SAXO5: variants seen among roughly 807,000 people sequenced by gnomAD.
The protein encoded by SAXO5 is testis expressed 45.
At chr19:7,507,734 T>C in the SAXO5 span, among the ~76,000 whole-genome samples, 45 of 152,204 alleles carry the variant, frequency 3.0e-4, 1 homozygote, top group African/African-American at 9.9e-4. Context: ...CCTGGAGTCC[T>C]TCCAGGGACA....
At chr19:7,506,444 A>G in the SAXO5 span, 3,745 of 481,276 alleles carry the variant, frequency 7.8e-3, 30 homozygotes, top group South Asian at 0.03. Flanking sequence ...CTTCATGGCC[A>G]TGCCTCTCCC....
At chr19:7,498,545 C>T in the SAXO5 span, among the ~76,000 whole-genome samples, 4 of 151,956 alleles carry the variant, frequency 2.6e-5, no homozygotes, top group South Asian at 2.1e-4. Context: ...TACAGGCATG[C>T]GCCACCACGC....
the SAXO5 span, chr19:7,501,036 C>T: frequency 6.6e-4 from 1,005 of 1,520,420 alleles, 8 homozygotes; most frequent in East Asian, 0.019. Context: ...AATGGACCCG[C>T]GCTGGGACCG....
At chr19:7,507,023 C>A in the SAXO5 span, 1 of 1,578,106 alleles carries the variant, frequency 6.3e-7, no homozygotes, top group African/African-American at 1.3e-5. Flanking sequence ...CGGCCCACAG[C>A]CCTCACTCAG....
chr19:7,504,146 C>T, the SAXO5 span: 1 of 1,613,870 alleles, frequency 6.2e-7, no homozygotes, highest in East Asian at 2.2e-5. Context: ...TCAAGTGGGA[C>T]TACACGAGAC....
the SAXO5 span, chr19:7,507,279 G>A: frequency 1.3e-6 from 1 of 744,254 alleles, no homozygotes; most frequent in Non-Finnish European, 2.3e-6. Flanking sequence ...TATCCCTTCA[G>A]CCTGAAGATC....
At chr19:7,501,122 G>A in the SAXO5 span, 84 of 1,506,686 alleles carry the variant, frequency 5.6e-5, 1 homozygote, top group South Asian at 1.2e-5. Context: ...TGCAAGCGCA[G>A]GCGCGGGAAC....
the SAXO5 span, chr19:7,507,055 G>T: frequency 6.2e-7 from 1 of 1,613,710 alleles, no homozygotes; most frequent in Non-Finnish European, 8.5e-7. Flanking sequence ...TGAATCTCCA[G>T]AATTCGATTT....
chr19:7,499,344 G>A, the SAXO5 span, among the ~76,000 whole-genome samples: 1 of 138,718 alleles, frequency 7.2e-6, no homozygotes, highest in South Asian at 2.6e-4. Flanking sequence ...AGAGAGAGAA[G>A]GTAGGGAAGT....
At chr19:7,507,495 G>A in the SAXO5 span, among the ~76,000 whole-genome samples, 1 of 151,938 alleles carries the variant, frequency 6.6e-6, no homozygotes, top group Non-Finnish European at 1.5e-5. Flanking sequence ...AGACAGAATT[G>A]CTTGAACCAG....
At chr19:7,501,326 G>T in the SAXO5 span, 1 of 1,570,030 alleles carries the variant, frequency 6.4e-7, no homozygotes, top group Non-Finnish European at 8.6e-7. Context: ...TGCGCATCCC[G>T]CCCACCACGC....
chr19:7,506,065 GACC>G, the SAXO5 span: 5 of 1,613,914 alleles, frequency 3.1e-6, no homozygotes, highest in Middle Eastern at 1.7e-4. Context: ...GCTTCTTCAA[GACC>G]ACCATGGGCT....
chr19:7,505,421 T>C, the SAXO5 span: 2 of 1,614,186 alleles, frequency 1.2e-6, no homozygotes, highest in Non-Finnish European at 1.7e-6. Flanking sequence ...CGAGCACTTC[T>C]ATGCCAGGGA....
At chr19:7,508,373 G>C in the SAXO5 span, 10 of 1,613,718 alleles carry the variant, frequency 6.2e-6, no homozygotes, top group Non-Finnish European at 8.5e-6. Context: ...GCTGCAGGGA[G>C]AAGATAGACC....
the SAXO5 span, among the ~76,000 whole-genome samples, chr19:7,498,194 C>T: frequency 6.6e-6 from 1 of 150,754 alleles, no homozygotes; most frequent in Non-Finnish European, 1.5e-5. Context: ...CACACACACA[C>T]ACACACCCTT....
chr19:7,505,990 C>G, the SAXO5 span: 1 of 1,591,072 alleles, frequency 6.3e-7, no homozygotes, highest in Non-Finnish European at 8.6e-7. Flanking sequence ...AGCCACCCAG[C>G]CGCCACGTGC....
chr19:7,498,127 C>A, the SAXO5 span, among the ~76,000 whole-genome samples: 1 of 149,512 alleles, frequency 6.7e-6, no homozygotes, highest in Non-Finnish European at 1.5e-5. Flanking sequence ...AACAAACTTA[C>A]ACACTGAAAA....
At chr19:7,506,793 T>TCATCCTCCCCCACCTCCTC in the SAXO5 span, 1 of 435,182 alleles carries the variant, frequency 2.3e-6, no homozygotes, top group African/African-American at 2.2e-5. Flanking sequence ...CCTGGCTCCT[T>TCATCCTCCCCCACCTCCTC]CCTCCTCCCC....
the SAXO5 span, chr19:7,505,581 C>T: frequency 5.0e-6 from 8 of 1,614,194 alleles, no homozygotes; most frequent in African/African-American, 1.3e-5. Context: ...ATTGGTGCCC[C>T]GGCCCCGGCA....
Sources: gnomAD v4.1 joint callset for allele counts (sites outside exome capture counted in the v4.1 genomes callset) on GRCh38, gnomAD v4.1.1 for gene constraint, MANE v1.5 for transcripts, NCBI Gene and HGNC (gene_info 2026-07-23, HGNC 2026-07-21) for gene names.